The following CFAP299 variants were observed in gnomAD, a reference collection of about 807,000 sequenced individuals.
CFAP299 encodes the protein cilia and flagella associated protein 299.
CFAP299 carries 21 observed loss-of-function variants against 27.0 expected under a neutral mutation model. That is an observed-to-expected ratio of 0.78 (90% confidence interval 0.55 to 1.12). The LOEUF is 1.12. Ranked by LOEUF, CFAP299 falls within the 50% of genes most tolerant of loss-of-function variation. The pLI, the probability that CFAP299 is intolerant of heterozygous loss-of-function variation, is 0.00. For synonymous variants in CFAP299, 104 were observed against 98.1 expected (o/e 1.06, Z -0.36); for missense variants, 310 against 276.6 (o/e 1.12, Z -0.86).
chr4:80,455,641 A>G (rs998280172), intron 2 of CFAP299, among the ~76,000 whole-genome samples: 1 of 152,224 alleles, frequency 6.6e-6, no homozygotes, highest in Non-Finnish European at 1.5e-5. Context: ...GAGTGAAAAA[A>G]AAAAGATATT....
At chr4:80,925,995 C>T (rs184128674) in intron 4 of CFAP299, among the ~76,000 whole-genome samples, 4 of 151,972 alleles carry the variant, frequency 2.6e-5, no homozygotes, top group Non-Finnish European at 5.9e-5. Context: ...TGTTCCAGAA[C>T]TTGGAATATA....
chr4:80,741,961 G>A (rs1413776146), intron 3 of CFAP299, among the ~76,000 whole-genome samples: 1 of 152,100 alleles, frequency 6.6e-6, no homozygotes, highest in African/African-American at 2.4e-5. Context: ...TTATTCTCTA[G>A]TATGATAGGG....
At chr4:80,769,825 G>A (rs1726109018) in intron 3 of CFAP299, among the ~76,000 whole-genome samples, 1 of 152,158 alleles carries the variant, frequency 6.6e-6, no homozygotes, top group Non-Finnish European at 1.5e-5. Flanking sequence ...TCTGAGGATT[G>A]GGTCCTCTTT....
chr4:80,583,630 G>A (rs1736284886), intron 3 of CFAP299, among the ~76,000 whole-genome samples: 1 of 151,866 alleles, frequency 6.6e-6, no homozygotes, highest in South Asian at 2.1e-4. Context: ...TAGAAGAACT[G>A]TGTTATCATT....
At chr4:80,589,563 A>G (rs1736618079) in intron 3 of CFAP299, among the ~76,000 whole-genome samples, 2 of 152,214 alleles carry the variant, frequency 1.3e-5, no homozygotes, top group African/African-American at 2.4e-5. Flanking sequence ...CATAAAGCTG[A>G]CAAAGCATTT....
intron 3 of CFAP299, among the ~76,000 whole-genome samples, chr4:80,688,152 AAGC>A (rs886763999): frequency 2.0e-5 from 3 of 152,210 alleles, no homozygotes; most frequent in Non-Finnish European, 4.4e-5. Flanking sequence ...TAGGTAAACA[AAGC>A]AGCCGGGAAG....
rs147339337 is a variant in CFAP299, at chr4:80,350,562, A to T, written c.112-12192A>T. 8.3e-4 allele frequency among the ~76,000 whole-genome samples: 126 copies of T among 152,340 alleles called. 4 individuals are homozygous for T. In the East Asian group the frequency reaches 0.023, roughly 28 times the overall value. On this transcript the variant is annotated intron_variant, in intron 1 of 5. Coordinates refer to ENST00000358105, the MANE Select transcript of CFAP299 (RefSeq NM_152770.3). ...ATGCCACCAATGATATACTGGATAA[A>T]GAAAACGTAGCACATATACACCATG...
chr4:80,774,579 A>T (rs1396334579), intron 3 of CFAP299, among the ~76,000 whole-genome samples: 1 of 151,996 alleles, frequency 6.6e-6, no homozygotes, highest in Non-Finnish European at 1.5e-5. Flanking sequence ...AAAAATGCTC[A>T]AATTCACCTT....
chr4:80,932,676 C>T (rs1159617541), intron 4 of CFAP299, among the ~76,000 whole-genome samples: 1 of 152,048 alleles, frequency 6.6e-6, no homozygotes, highest in Non-Finnish European at 1.5e-5. Context: ...ATATCTCTAT[C>T]ATATTTTTGG....
chr4:80,583,047 ATATTTGTTAT>A (rs779046322), intron 2 of CFAP299, 36 bp from the exon 3 acceptor site: 3 of 1,283,782 alleles, frequency 2.3e-6, no homozygotes, highest in Non-Finnish European at 3.3e-6. Context: ...TGTTGGAAAC[ATATTTGTTAT>A]CTAATATATT....
chr4:80,331,956 G>A (rs1045495066), upstream of CFAP299, among the ~76,000 whole-genome samples: 1 of 152,136 alleles, frequency 6.6e-6, no homozygotes, highest in African/African-American at 2.4e-5. Context: ...AGGAGAAAAG[G>A]GGCTAGCAAA....
At position 80,827,862 on chromosome 4, in the gene CFAP299, C is replaced by A. The variant is rs1416280281; in HGVS notation, c.334-42131C>A. Among the ~76,000 whole-genome samples, 5 of 151,970 alleles carry A rather than the reference C, an allele frequency of 3.3e-5. 1 individual carries two copies. Among genetic ancestry groups the A allele is most frequent in the African/African-American group, 1.2e-4 (5 of 41,410 alleles). On this transcript the variant is annotated intron_variant, in intron 3 of 5. Transcript: ENST00000358105. ...ATAAATTCAGCAAACTAGCAAGATA[C>A]AAAGTCAACAGAAAAATATCCGTTG...
chr4:80,647,793 G>T (rs373646595), intron 3 of CFAP299, among the ~76,000 whole-genome samples: 6 of 152,160 alleles, frequency 3.9e-5, no homozygotes, highest in Non-Finnish European at 7.3e-5. Context: ...ATGTTTCTAG[G>T]CTGGGCACAG....
chr4:80,451,764 A>G (rs1728915739), intron 2 of CFAP299, among the ~76,000 whole-genome samples: 1 of 152,172 alleles, frequency 6.6e-6, no homozygotes, highest in Non-Finnish European at 1.5e-5. Flanking sequence ...ACCTTCACAC[A>G]TTACTCTAAA....
chr4:80,630,441 G>A (rs753569430), intron 3 of CFAP299, among the ~76,000 whole-genome samples: 3 of 151,974 alleles, frequency 2.0e-5, no homozygotes, highest in Non-Finnish European at 4.4e-5. Flanking sequence ...AAACAATTTG[G>A]TGAACAGCAT....
At chr4:80,552,175 A>G (rs763603160) in intron 2 of CFAP299, among the ~76,000 whole-genome samples, 5 of 152,232 alleles carry the variant, frequency 3.3e-5, no homozygotes, top group Non-Finnish European at 7.3e-5. Context: ...TATTGGGACA[A>G]TATAACTGAT....
chr4:80,860,688 G>T (rs188418921), intron 3 of CFAP299, among the ~76,000 whole-genome samples: 4 of 152,218 alleles, frequency 2.6e-5, no homozygotes, highest in East Asian at 1.9e-4. Flanking sequence ...GACACTGTTT[G>T]CCTGGGTATC....
At chr4:80,921,071 G>A (rs779064853) in intron 4 of CFAP299, among the ~76,000 whole-genome samples, 19 of 152,006 alleles carry the variant, frequency 1.2e-4, no homozygotes, top group Non-Finnish European at 2.6e-4. Flanking sequence ...CCAAAGCCAA[G>A]CACCAAGCCC....
intron 3 of CFAP299, among the ~76,000 whole-genome samples, chr4:80,596,168 C>G (rs1737049268): frequency 6.6e-6 from 1 of 152,092 alleles, no homozygotes; most frequent in African/African-American, 2.4e-5. Flanking sequence ...TCATTATGAA[C>G]CATAGCATCT....
Sources: allele counts gnomAD v4.1 joint callset (sites outside exome capture counted in the v4.1 genomes callset), GRCh38; gene constraint gnomAD v4.1.1; transcripts MANE v1.5; gene names NCBI Gene and HGNC (gene_info 2026-07-23, HGNC 2026-07-21).